CNTN5: variants seen among roughly 807,000 people sequenced by gnomAD.
CNTN5 encodes contactin 5, also known as contactin-5.
A neutral mutation model predicts 129.1 loss-of-function variants in CNTN5; 77 were observed. The observed-to-expected ratio is 0.60, with a 90% CI of 0.50 to 0.72. The LOEUF (loss-of-function observed/expected upper bound fraction) is 0.72. Ranked by LOEUF, CNTN5 falls within the 30% of genes least tolerant of loss-of-function variation. CNTN5 has a pLI of 0.00. For missense variants in CNTN5, 1,478 were observed against 1,328.8 expected (o/e 1.11, Z -1.75); for synonymous variants, 509 against 465.6 (o/e 1.09, Z -1.20).
At chr11:99,877,884 A>C (rs985069548) in intron 6 of CNTN5, among the ~76,000 whole-genome samples, 2 of 152,266 alleles carry the variant, frequency 1.3e-5, no homozygotes, top group South Asian at 2.1e-4. Context: ...TCACTATCAA[A>C]AGTTTTTAAA....
intron 2 of CNTN5, among the ~76,000 whole-genome samples, chr11:99,371,513 G>T (rs1245606289): frequency 2.0e-5 from 3 of 152,040 alleles, no homozygotes; most frequent in Non-Finnish European, 4.4e-5. Context: ...GATCTTACAT[G>T]ACTTCAGTAA....
chr11:99,998,267 G>C (rs1029025939), intron 8 of CNTN5, among the ~76,000 whole-genome samples: 1 of 151,952 alleles, frequency 6.6e-6, no homozygotes, highest in Admixed American at 6.6e-5. Flanking sequence ...CATCATCTCA[G>C]CCCAAAACCT....
chr11:99,788,411 T>C (rs981462953), intron 3 of CNTN5, among the ~76,000 whole-genome samples: 2 of 151,976 alleles, frequency 1.3e-5, no homozygotes, highest in Non-Finnish European at 2.9e-5. Context: ...ACAGGACTTA[T>C]TTCGGTATAT....
At chr11:99,971,557 AAAAC>A (rs962090683) in intron 8 of CNTN5, among the ~76,000 whole-genome samples, 5 of 151,466 alleles carry the variant, frequency 3.3e-5, no homozygotes, top group African/African-American at 7.3e-5. Context: ...TTAAAAACAA[AAAAC>A]AAACAAACAA....
At chr11:99,226,685 T>G (rs1860702545) in intron 1 of CNTN5, among the ~76,000 whole-genome samples, 1 of 149,754 alleles carries the variant, frequency 6.7e-6, no homozygotes, top group African/African-American at 2.4e-5. Context: ...CTATTTCTTC[T>G]CCCTCTAAAT....
chr11:99,535,377 C>T (rs1457598406), intron 2 of CNTN5, among the ~76,000 whole-genome samples: 1 of 152,128 alleles, frequency 6.6e-6, no homozygotes, highest in Non-Finnish European at 1.5e-5. Flanking sequence ...ATAGAAATAT[C>T]CAAATTTACG....
chr11:99,980,523 G>A (rs1042970282), intron 8 of CNTN5, among the ~76,000 whole-genome samples: 18 of 152,116 alleles, frequency 1.2e-4, no homozygotes, highest in Admixed American at 5.9e-4. Flanking sequence ...GCATTTGATC[G>A]CGCACAAACA....
chr11:100,053,873 C>T (rs762610352), intron 9 of CNTN5, among the ~76,000 whole-genome samples: 4 of 151,600 alleles, frequency 2.6e-5, no homozygotes, highest in Admixed American at 6.6e-5. Flanking sequence ...TACTCCTCGG[C>T]GATTAAAAGG....
At chr11:99,518,246 G>A (rs976178916) in intron 2 of CNTN5, among the ~76,000 whole-genome samples, 28 of 152,064 alleles carry the variant, frequency 1.8e-4, no homozygotes, top group African/African-American at 6.8e-4. Flanking sequence ...GTGACCAGTA[G>A]GTGTCATTCA....
chr11:100,296,308 A>C (rs547854889), intron 18 of CNTN5, among the ~76,000 whole-genome samples: 3 of 151,562 alleles, frequency 2.0e-5, no homozygotes, highest in African/African-American at 7.2e-5. Context: ...GTTCATATAA[A>C]TTAGGTCATA....
intron 1 of CNTN5, among the ~76,000 whole-genome samples, chr11:99,252,717 G>A (rs1253207690): frequency 1.3e-5 from 2 of 151,806 alleles, no homozygotes; most frequent in African/African-American, 4.8e-5. Flanking sequence ...CCTTTCTCAG[G>A]ATTTTGATTC....
Position 99,826,621 on chromosome 11 carries a change from TA to T in CNTN5, c.277+6860del, listed in dbSNP as rs561556435. Among the ~76,000 whole-genome samples the T allele has an allele frequency of 8.2e-3, 1,245 of 152,298 alleles. 12 individuals are homozygous for T. The highest frequency in any genetic ancestry group is 9.3e-3 in the Non-Finnish European group (632 of 68,020). The stretch of plus-strand genomic sequence containing the variant: ...TGCATGTGTAGAAGTACATTATAGA[TA>T]AAAGAAATCATGTGTTCAATGGCAA... On this transcript the variant is annotated intron_variant, in intron 4 of 24. Coordinates refer to ENST00000524871, the MANE Select transcript of CNTN5 (RefSeq NM_014361.4).
At chr11:100,051,345 C>T (rs1263468643) in intron 9 of CNTN5, among the ~76,000 whole-genome samples, 1 of 151,940 alleles carries the variant, frequency 6.6e-6, no homozygotes, top group Non-Finnish European at 1.5e-5. Flanking sequence ...CAAAAGAATA[C>T]TTTAAAAATC....
At chr11:99,477,481 T>C (rs964889067) in intron 2 of CNTN5, among the ~76,000 whole-genome samples, 4 of 152,194 alleles carry the variant, frequency 2.6e-5, no homozygotes, top group Middle Eastern at 3.4e-3. Context: ...ATATTTTTAA[T>C]TATTCTAACC....
intron 17 of CNTN5, among the ~76,000 whole-genome samples, chr11:100,264,313 G>C (rs1340150244): frequency 6.6e-6 from 1 of 152,086 alleles, no homozygotes. Context: ...GTGGTTTGCT[G>C]TGCCTATCAA....
intron 8 of CNTN5, among the ~76,000 whole-genome samples, chr11:99,963,380 T>C (rs183059629): frequency 0.03 from 4,561 of 152,318 alleles, 219 homozygotes; most frequent in East Asian, 0.22. Context: ...TACATATGGC[T>C]AGCCAGTTTT....
At chr11:99,669,472 GTA>G (rs10633938) in intron 3 of CNTN5, among the ~76,000 whole-genome samples, 2,669 of 23,156 alleles carry the variant, frequency 0.12, 107 homozygotes, top group East Asian at 0.36. Flanking sequence ...GTGTGTGTGT[GTA>G]TATGTGTATA....
At chr11:100,109,028 C>T (rs1945553125) in intron 13 of CNTN5, among the ~76,000 whole-genome samples, 1 of 152,104 alleles carries the variant, frequency 6.6e-6, no homozygotes, top group African/African-American at 2.4e-5. Flanking sequence ...ATTCTTATCT[C>T]CTTCATCTGA....
chr11:99,957,173 G>C (rs746068381), intron 8 of CNTN5, among the ~76,000 whole-genome samples, 164 bp downstream of exon 8: 1 of 152,046 alleles, frequency 6.6e-6, no homozygotes, highest in Non-Finnish European at 1.5e-5. Flanking sequence ...GCATGCCTTA[G>C]AATAAAAGTT....
Sources: gnomAD v4.1 joint callset for allele counts (sites outside exome capture counted in the v4.1 genomes callset) on GRCh38, gnomAD v4.1.1 for gene constraint, MANE v1.5 for transcripts, NCBI Gene and HGNC (gene_info 2026-07-23, HGNC 2026-07-21) for gene names.